CADM2: variants seen among roughly 807,000 people sequenced by gnomAD.
CADM2 encodes immunoglobulin superfamily member 4D.
CADM2 carries 12 observed loss-of-function variants against 49.8 expected under a neutral mutation model. The observed-to-expected ratio is 0.24, with a 90% CI of 0.15 to 0.39. The LOEUF (loss-of-function observed/expected upper bound fraction) is 0.39. Among genes scored for constraint, CADM2 ranks in the 10% least tolerant of loss-of-function variants. The probability of loss-of-function intolerance (pLI) is 1.00; values close to 1 mark genes in which losing one functional copy is unlikely to be tolerated. For synonymous variants in CADM2, 214 were observed against 175.4 expected, an observed-to-expected ratio of 1.22 and a Z score of -1.74; for missense variants, 378 against 492.3, an observed-to-expected ratio of 0.77 and a Z score of 2.20.
chr3:85,722,601 A>G (rs988388186), intron 1 of CADM2, among the ~76,000 whole-genome samples: 1 of 152,196 alleles, frequency 6.6e-6, no homozygotes, highest in African/African-American at 2.4e-5. Context: ...ACTTTCTAAC[A>G]AACACTTCTA....
intron 8 of CADM2, among the ~76,000 whole-genome samples, chr3:85,980,062 A>C (rs574241566): frequency 2.6e-5 from 4 of 151,476 alleles, no homozygotes; most frequent in Non-Finnish European, 4.4e-5. Flanking sequence ...TTAAAAAAAA[A>C]TGAAGCCATT....
At chr3:85,608,779 A>AT (rs1020106639) in intron 1 of CADM2, among the ~76,000 whole-genome samples, 1 of 152,086 alleles carries the variant, frequency 6.6e-6, no homozygotes, top group African/African-American at 2.4e-5. Flanking sequence ...TAGTAGTAAA[A>AT]TTTAATTTGA....
chr3:85,526,945 AT>A (rs1172533025), intron 1 of CADM2, among the ~76,000 whole-genome samples: 2 of 152,168 alleles, frequency 1.3e-5, no homozygotes, highest in Non-Finnish European at 2.9e-5. Context: ...TTAATCTGTG[AT>A]TTTTTAACGC....
intron 1 of CADM2, among the ~76,000 whole-genome samples, chr3:85,532,656 C>T (rs1200409566): frequency 2.0e-5 from 3 of 152,128 alleles, no homozygotes; most frequent in Admixed American, 6.5e-5. Context: ...ATTCCATTAC[C>T]TGGTATGTAC....
intron 1 of CADM2, among the ~76,000 whole-genome samples, chr3:85,570,155 A>G (rs972688949): frequency 7.2e-5 from 11 of 152,192 alleles, no homozygotes; most frequent in Admixed American, 2.0e-4. Context: ...TTGGAAAAAT[A>G]GAAACATTTC....
intron 1 of CADM2, among the ~76,000 whole-genome samples, chr3:85,643,506 T>C (rs776447661): frequency 9.2e-5 from 14 of 152,176 alleles, no homozygotes; most frequent in Non-Finnish European, 1.6e-4. Context: ...GAGAAGTAAT[T>C]AGCAAATCAA....
At chr3:85,646,747 T>C (rs959129682) in intron 1 of CADM2, among the ~76,000 whole-genome samples, 1 of 151,906 alleles carries the variant, frequency 6.6e-6, no homozygotes, top group African/African-American at 2.4e-5. Flanking sequence ...TATTTTTGAC[T>C]TATACTTGAA....
chr3:85,419,539 C>A (rs1356505112), intron 1 of CADM2, among the ~76,000 whole-genome samples: 1 of 151,732 alleles, frequency 6.6e-6, no homozygotes, highest in East Asian at 1.9e-4. Flanking sequence ...TTCTATAAAA[C>A]CATGTTTGAG....
intron 7 of CADM2, among the ~76,000 whole-genome samples, chr3:85,954,712 T>A (rs2108596114): frequency 6.6e-6 from 1 of 151,340 alleles, no homozygotes; most frequent in East Asian, 2.0e-4. Flanking sequence ...CTTTAAATCT[T>A]TTACTTGAAC....
intron 1 of CADM2, among the ~76,000 whole-genome samples, chr3:85,131,606 C>T (rs2039231965): frequency 6.6e-6 from 1 of 152,106 alleles, no homozygotes; most frequent in South Asian, 2.1e-4. Flanking sequence ...CCATGTTAGT[C>T]ATCTTACAAA....
At chr3:85,034,573 T>C (rs1291997875) in intron 1 of CADM2, among the ~76,000 whole-genome samples, 2 of 152,112 alleles carry the variant, frequency 1.3e-5, no homozygotes, top group African/African-American at 2.4e-5. Flanking sequence ...AGTGCAGATA[T>C]CTCTGACGTA....
chr3:85,992,660 T>C (rs939495595), intron 8 of CADM2: 1 of 152,184 alleles, frequency 6.6e-6, no homozygotes, highest in African/African-American at 2.4e-5. Flanking sequence ...CAGTGTGCAA[T>C]AGCATCATGT....
At chr3:85,938,983 T>C (rs1372666308) in intron 7 of CADM2, among the ~76,000 whole-genome samples, 1 of 152,070 alleles carries the variant, frequency 6.6e-6, no homozygotes, top group Admixed American at 6.6e-5. Flanking sequence ...GAATGAGTTA[T>C]TCAGAGTAAT....
At chr3:85,067,520 G>A (rs527496454) in intron 1 of CADM2, among the ~76,000 whole-genome samples, 9 of 152,176 alleles carry the variant, frequency 5.9e-5, no homozygotes, top group Non-Finnish European at 8.8e-5. Flanking sequence ...AGTTTTACCC[G>A]TAGAAGTGGG....
chr3:85,034,959 C>G (rs541555474), intron 1 of CADM2, among the ~76,000 whole-genome samples: 2 of 151,828 alleles, frequency 1.3e-5, no homozygotes, highest in South Asian at 4.2e-4. Flanking sequence ...CCCACCACCA[C>G]ACCGGGCTAA....
chr3:85,516,322 A>C (rs547743253), intron 1 of CADM2, among the ~76,000 whole-genome samples: 2 of 152,252 alleles, frequency 1.3e-5, no homozygotes, highest in Admixed American at 6.5e-5. Flanking sequence ...AGATTATTTT[A>C]TTGATAAAAG....
chr3:85,350,737 A>G (rs568442342), intron 1 of CADM2, among the ~76,000 whole-genome samples: 26 of 152,260 alleles, frequency 1.7e-4, no homozygotes, highest in African/African-American at 6.0e-4. Flanking sequence ...CTCGTCATCT[A>G]GAACAAGAAG....
chr3:85,025,092 T>G (rs1195460869), intron 1 of CADM2, among the ~76,000 whole-genome samples: 1 of 152,140 alleles, frequency 6.6e-6, no homozygotes, highest in Admixed American at 6.5e-5. Context: ...CTGAAAAATA[T>G]AATTACACTA....
intron 1 of CADM2, among the ~76,000 whole-genome samples, chr3:85,712,796 G>C (rs2067155741): frequency 1.3e-5 from 2 of 151,782 alleles, no homozygotes; most frequent in Non-Finnish European, 2.9e-5. Context: ...AGAAATCTAG[G>C]TCATGTTTGA....
Sources: allele counts gnomAD v4.1 joint callset (sites outside exome capture counted in the v4.1 genomes callset), GRCh38; gene constraint gnomAD v4.1.1; transcripts MANE v1.5; gene names NCBI Gene and HGNC (gene_info 2026-07-23, HGNC 2026-07-21).